Variants in PLEKHA5 observed in about 807,000 individuals in gnomAD.
PLEKHA5 encodes pleckstrin homology domain containing A5.
In PLEKHA5, 55 loss-of-function variants were observed where a neutral mutation model predicts 181.9. The ratio of observed to expected loss-of-function variants is 0.30; its 90% CI spans 0.24 to 0.38. PLEKHA5 has a LOEUF of 0.38. PLEKHA5 is among the 10% of genes least tolerant of loss of function. PLEKHA5 has a pLI of 1.00. For synonymous variants in PLEKHA5, 535 were observed against 529.4 expected (o/e 1.01, Z -0.15); for missense variants, 1,432 against 1,549.5 (o/e 0.92, Z 1.27).
intron 20 of PLEKHA5, among the ~76,000 whole-genome samples, chr12:19,330,600 TTAAA>T (rs1364391569): frequency 3.0e-5 from 3 of 99,128 alleles, no homozygotes; most frequent in Non-Finnish European, 6.2e-5. Context: ...AAAAAACTCC[TTAAA>T]TAATTAAGCA....
intron 15 of PLEKHA5, among the ~76,000 whole-genome samples, chr12:19,310,300 C>CTTTA (rs1555157463): frequency 1.3e-5 from 2 of 152,028 alleles, no homozygotes; most frequent in Non-Finnish European, 1.5e-5. Context: ...TATATGTATT[C>CTTTA]TTTATTTATT....
intron 3 of PLEKHA5, among the ~76,000 whole-genome samples, chr12:19,231,611 TAA>T (rs2060616309): frequency 6.7e-6 from 1 of 148,254 alleles, no homozygotes; most frequent in Non-Finnish European, 1.5e-5. Flanking sequence ...TATATATATA[TAA>T]ATACTCATAA....
chr12:19,347,517 A>C (rs901002372), intron 24 of PLEKHA5, among the ~76,000 whole-genome samples: 1 of 152,116 alleles, frequency 6.6e-6, no homozygotes, highest in African/African-American at 2.4e-5. Flanking sequence ...TTCAGATCAG[A>C]AAGAAGGGAG....
At chr12:19,301,827 T>C (rs1565587806) in intron 15 of PLEKHA5, among the ~76,000 whole-genome samples, 1 of 152,246 alleles carries the variant, frequency 6.6e-6, no homozygotes, top group Admixed American at 6.5e-5. Context: ...CTTCTGTTAC[T>C]GAAGTCACTT....
chr12:19,228,112 G>T (rs1047036485), intron 3 of PLEKHA5, among the ~76,000 whole-genome samples: 3 of 152,022 alleles, frequency 2.0e-5, no homozygotes, highest in Admixed American at 6.5e-5. Flanking sequence ...CTTTCTCAAG[G>T]GCATTTGTGA....
intron 3 of PLEKHA5, among the ~76,000 whole-genome samples, chr12:19,231,718 C>T (rs575458617): frequency 6.2e-4 from 94 of 151,096 alleles, no homozygotes; most frequent in African/African-American, 2.2e-3. Context: ...TGAAGATTAT[C>T]TTTCATAAGG....
At chr12:19,159,991 C>T (rs948361225) in intron 3 of PLEKHA5, among the ~76,000 whole-genome samples, 2 of 152,104 alleles carry the variant, frequency 1.3e-5, no homozygotes, top group Admixed American at 1.3e-4. Context: ...TTAAGATGAT[C>T]TTGTGGTAGA....
At chr12:19,216,322 T>C (rs1417865104) in intron 3 of PLEKHA5, among the ~76,000 whole-genome samples, 1 of 152,172 alleles carries the variant, frequency 6.6e-6, no homozygotes, top group African/African-American at 2.4e-5. Flanking sequence ...CATCTTAATA[T>C]AGGTGATTCT....
chr12:19,350,974 T>C (rs1014391347), intron 25 of PLEKHA5, among the ~76,000 whole-genome samples: 6 of 150,468 alleles, frequency 4.0e-5, no homozygotes, highest in Admixed American at 2.0e-4. Flanking sequence ...TTTTTTTTTT[T>C]TTGAGACAGG....
chr12:19,239,353 A>G (rs766420832), intron 3 of PLEKHA5, among the ~76,000 whole-genome samples: 13 of 152,010 alleles, frequency 8.6e-5, no homozygotes, highest in Non-Finnish European at 5.9e-5. Flanking sequence ...ATTTCCCCCC[A>G]TGTCTCCAGT....
At chr12:19,167,185 T>G (rs2044595746) in intron 3 of PLEKHA5, among the ~76,000 whole-genome samples, 1 of 152,150 alleles carries the variant, frequency 6.6e-6, no homozygotes, top group Admixed American at 6.5e-5. Flanking sequence ...AGCAGTAATC[T>G]GATCTCAGAT....
chr12:19,194,976 T>C (rs1173892199), intron 3 of PLEKHA5, among the ~76,000 whole-genome samples: 2 of 152,178 alleles, frequency 1.3e-5, no homozygotes, highest in African/African-American at 2.4e-5. Context: ...AAACATAAAA[T>C]AGCTACCGTC....
At chr12:19,276,086 A>G (rs1293029715) in intron 11 of PLEKHA5, among the ~76,000 whole-genome samples, 3 of 152,214 alleles carry the variant, frequency 2.0e-5, no homozygotes, top group African/African-American at 7.2e-5. Context: ...AAGCAGTGAT[A>G]CGAAGAATAA....
At chr12:19,154,274 G>A (rs767070909) in intron 3 of PLEKHA5, 4 of 151,838 alleles carry the variant, frequency 2.6e-5, no homozygotes, top group Non-Finnish European at 5.9e-5. Flanking sequence ...TTTTAAAATA[G>A]TATATAATGA....
chr12:19,352,008 AGAG>A (rs1161812746), intron 25 of PLEKHA5, among the ~76,000 whole-genome samples: 2 of 150,156 alleles, frequency 1.3e-5, no homozygotes, highest in African/African-American at 2.5e-5. Flanking sequence ...TGCAGGAAGC[AGAG>A]ATTACAGTGA....
intron 8 of PLEKHA5, among the ~76,000 whole-genome samples, chr12:19,266,276 TG>T (rs1164669147): frequency 2.6e-5 from 4 of 151,164 alleles, no homozygotes; most frequent in African/African-American, 9.7e-5. Context: ...GAGTTGAGCC[TG>T]GGGAATATAG....
At chr12:19,323,803 G>A (rs2091472610) in intron 20 of PLEKHA5, among the ~76,000 whole-genome samples, 1 of 126,570 alleles carries the variant, frequency 7.9e-6, no homozygotes, top group South Asian at 2.8e-4. Flanking sequence ...GCAACAGAGT[G>A]AGACTCTGTT....
chr12:19,250,126 A>C (rs553050133), intron 3 of PLEKHA5, among the ~76,000 whole-genome samples: 4 of 152,272 alleles, frequency 2.6e-5, no homozygotes, highest in Admixed American at 6.5e-5. Context: ...AAATCACCCA[A>C]TTGAGAACCA....
chr12:19,138,011 T>G (rs1480211704), intron 3 of PLEKHA5, among the ~76,000 whole-genome samples: 1 of 152,172 alleles, frequency 6.6e-6, no homozygotes, highest in African/African-American at 2.4e-5. Flanking sequence ...TTTCTTCTTA[T>G]TCTCAAAGCT....
Sources: gnomAD v4.1 joint callset for allele counts (sites outside exome capture counted in the v4.1 genomes callset) on GRCh38, gnomAD v4.1.1 for gene constraint, MANE v1.5 for transcripts, NCBI Gene and HGNC (gene_info 2026-07-23, HGNC 2026-07-21) for gene names.